The following ABRAXAS1 variants were observed in gnomAD, a reference collection of about 807,000 sequenced individuals.
The protein encoded by ABRAXAS1 is BRCA1-A complex subunit Abraxas 1.
A neutral mutation model predicts 38.4 loss-of-function variants in ABRAXAS1; 26 were observed. The ratio of observed to expected loss-of-function variants is 0.68; its 90% CI spans 0.50 to 0.94. ABRAXAS1 has a LOEUF of 0.94. Among genes scored for constraint, ABRAXAS1 ranks in the 40% least tolerant of loss-of-function variants. The pLI is 0.00. For synonymous variants in ABRAXAS1, 144 were observed against 165.5 expected (o/e 0.87, Z 1.00); for missense variants, 438 against 481.9 (o/e 0.91, Z 0.85).
At chr4:83,474,962 G>C (rs1722714022) in intron 3 of ABRAXAS1, among the ~76,000 whole-genome samples, 1 of 152,100 alleles carries the variant, frequency 6.6e-6, no homozygotes, top group African/African-American at 2.4e-5. Flanking sequence ...GAAGTATGTA[G>C]TTACCCTCTG....
At chr4:83,484,432 A>G (rs999779873) in intron 1 of ABRAXAS1, among the ~76,000 whole-genome samples, 2 of 152,260 alleles carry the variant, frequency 1.3e-5, no homozygotes, top group African/African-American at 2.4e-5. Context: ...TGTTTTAACA[A>G]ATTTAATAAC....
In ABRAXAS1 at chr4:83,462,502, A is replaced by G; in HGVS notation, c.1197T>C (p.Gly399=). The G allele has an allele frequency of 6.2e-7, 1 of 1,613,490 alleles. No homozygotes were observed. Among genetic ancestry groups the G allele is most frequent in the Non-Finnish European group, 8.5e-7 (1 of 1,179,832 alleles). The part of the protein sequence containing the change: ...ETDEEIEKMK[G]FGEYSRSPTF ...TAGGAGACCGTGAATATTCACCAAAACCCTTCATCTTTTCAATTTCTTCAT... is the reference window on the plus strand; with the variant it reads ...TAGGAGACCGTGAATATTCACCAAAGCCCTTCATCTTTTCAATTTCTTCAT... The change falls in exon 9 of 9, where the codon GGT becomes GGC. Residue 399 remains glycine (G), a synonymous_variant. Coordinates refer to ENST00000321945, the MANE Select transcript of ABRAXAS1 (RefSeq NM_139076.3).
Position 83,462,265 on chromosome 4 carries a change from G to C in ABRAXAS1, c.*204C>G, listed in dbSNP as rs1578121816. 23 of 535,468 alleles carry C rather than the reference G, an allele frequency of 4.3e-5. No homozygotes were observed. The East Asian group carries it at 7.3e-4, about 17-fold the overall frequency. 33.2% of individuals were successfully genotyped at this position (535,468 alleles called of 1,614,324 possible). ...ACAACTTAGTGAAAGGTGAAAAAAA[G>C]GTTTGGAAATAAAAGCATCTGATGT... On this transcript the variant is annotated 3_prime_UTR_variant, in exon 9 of 9. Coordinates refer to ENST00000321945, the MANE Select transcript of ABRAXAS1 (RefSeq NM_139076.3).
intron 1 of ABRAXAS1, among the ~76,000 whole-genome samples, chr4:83,484,568 C>G (rs1169901556): frequency 2.0e-5 from 3 of 152,254 alleles, no homozygotes; most frequent in African/African-American, 7.2e-5. Context: ...ACAGACGCTG[C>G]TCTGCATGAA....
At chr4:83,477,931 C>T (rs1016254126) in intron 2 of ABRAXAS1, 3 of 815,760 alleles carry the variant, frequency 3.7e-6, no homozygotes, top group Non-Finnish European at 6.4e-6. Flanking sequence ...TAGCCAATCC[C>T]ACCGATGTTC....
chr4:83,463,423 A>C, intron 8 of ABRAXAS1, 71 bp downstream of exon 8: 2 of 1,133,880 alleles, frequency 1.8e-6, no homozygotes, highest in Non-Finnish European at 2.5e-6. Context: ...ACAGAGCGAG[A>C]CTCCGTCTCA....
At chr4:83,477,553 G>C in intron 2 of ABRAXAS1, 1 of 472,692 alleles carries the variant, frequency 2.1e-6, no homozygotes, top group African/African-American at 2.0e-5. Context: ...GCCATGAGAT[G>C]TCTCGTCTGA....
At chr4:83,471,378 T>C (rs72932912) in intron 4 of ABRAXAS1, among the ~76,000 whole-genome samples, 14,519 of 151,398 alleles carry the variant, frequency 0.096, 2,274 homozygotes, top group African/African-American at 0.33. Flanking sequence ...TTTTTTTTTT[T>C]CTTCTGTTTT....
At chr4:83,463,436 A>G in intron 8 of ABRAXAS1, 58 bp downstream of exon 8, 1 of 1,229,470 alleles carries the variant, frequency 8.1e-7, no homozygotes, top group South Asian at 1.4e-5. Context: ...CCGTCTCAAA[A>G]ATAAATAAAT....
intron 8 of ABRAXAS1, among the ~76,000 whole-genome samples, chr4:83,463,152 G>A (rs1348577957): frequency 5.3e-5 from 8 of 152,164 alleles, no homozygotes; most frequent in Admixed American, 3.9e-4. Flanking sequence ...AGAAAGGGCC[G>A]AGCGCAGTGG....
chr4:83,483,639 T>G (rs1723071399), intron 1 of ABRAXAS1, among the ~76,000 whole-genome samples: 1 of 152,186 alleles, frequency 6.6e-6, no homozygotes, highest in Non-Finnish European at 1.5e-5. Context: ...AATGTGAGTC[T>G]TTACTGGAAT....
Position 83,470,407 on chromosome 4 carries a change from G to A in ABRAXAS1, c.283-11C>T. 1.3e-6 allele frequency: 2 copies of A among 1,590,064 alleles called. No homozygotes were observed. Among genetic ancestry groups the A allele is most frequent in the Non-Finnish European group, 1.7e-6 (2 of 1,161,714 alleles). ...CCAACCTACCACATTCTGAAATACA[G>A]AATAAAAAGGATATACATCTTAATA... On this transcript the variant is annotated splice_polypyrimidine_tract_variant and intron_variant, in intron 4 of 8. Coordinates refer to ENST00000321945, the MANE Select transcript of ABRAXAS1 (RefSeq NM_139076.3).
Position 83,469,140 on chromosome 4 carries a change from C to G in ABRAXAS1, c.488G>C (p.Arg163Thr), listed in dbSNP as rs1394165754. 6.2e-7 allele frequency: 1 copy of G among 1,613,450 alleles called. No individual in the cohort carries two copies. Among genetic ancestry groups the G allele is most frequent in the Non-Finnish European group, 8.5e-7 (1 of 1,179,666 alleles). The change falls in exon 6 of 9, where the codon AGG becomes ACG. Residue 163 changes from arginine (R) to threonine (T), a missense_variant. Physicochemically the swap from Arg to Thr is moderately conservative, Grantham distance 71 (BLOSUM62 -1). Transcript: ENST00000321945. ...CAGATTGGCAACCACTAAAGGTACC[C>G]TGTGAAAAAGTCTGACAAAATAAAA... is the stretch of plus-strand genomic sequence containing the variant. ...LYKPQKGLFH[R>T]VPLVVANLGM...
intron 1 of ABRAXAS1, 117 bp downstream of exon 1, chr4:83,484,869 G>C: frequency 1.2e-6 from 1 of 809,478 alleles, no homozygotes; most frequent in Non-Finnish European, 1.8e-6. Flanking sequence ...GCGACCGCAG[G>C]GAGGAGGCGC....
At chr4:83,463,436 A>C in intron 8 of ABRAXAS1, 58 bp downstream of exon 8, 1 of 1,229,470 alleles carries the variant, frequency 8.1e-7, no homozygotes, top group Non-Finnish European at 1.1e-6. Context: ...CCGTCTCAAA[A>C]ATAAATAAAT....
Position 83,460,039 on chromosome 4 carries a change from T to C in ABRAXAS1, c.*2430A>G. 1 of 361,856 alleles carries C rather than the reference T, an allele frequency of 2.8e-6. No homozygotes were observed. Among genetic ancestry groups the C allele is most frequent in the Non-Finnish European group, 4.9e-6 (1 of 202,622 alleles). 22.4% of individuals were successfully genotyped at this position (361,856 alleles called of 1,614,324 possible). ...GCTTTAAAAAACTGTTGTTGATGTT[T>C]TGGAATATACTATAATCATTCCTAG... On this transcript the variant is annotated 3_prime_UTR_variant, in exon 9 of 9. Coordinates refer to ENST00000321945, the MANE Select transcript of ABRAXAS1 (RefSeq NM_139076.3).
intron 2 of ABRAXAS1, among the ~76,000 whole-genome samples, chr4:83,478,635 A>T (rs1722871756): frequency 6.6e-6 from 1 of 152,224 alleles, no homozygotes; most frequent in Admixed American, 6.5e-5. Flanking sequence ...AAGTGTTAAC[A>T]TTGAGACTCT....
chr4:83,467,455 T>C lies in ABRAXAS1; in HGVS notation c.680A>G (p.Lys227Arg). The C allele has an allele frequency of 6.7e-7, 1 of 1,489,028 alleles. No individual in the cohort carries two copies. Among genetic ancestry groups the C allele is most frequent in the South Asian group, 1.1e-5 (1 of 87,344 alleles). 92.2% of individuals were successfully genotyped at this position (1,489,028 alleles called of 1,614,324 possible). Residue 227 changes from lysine to arginine, a missense_variant and splice_region_variant, in exon 7 of 9, where the codon AAG (lysine) becomes AGG (arginine). Lys to Arg is a conservative substitution (Grantham distance 26). Coordinates refer to ENST00000321945, the MANE Select transcript of ABRAXAS1 (RefSeq NM_139076.3). ...GACGTGTTTGATATGTTAACTTACC[T>C]TTAATTCCTCTTGTAATGAAGCATA... The part of the protein sequence containing the change: ...EMYASLQEEL[K>R]SICKKVEDSE...
chr4:83,460,003 A>G lies in ABRAXAS1; in HGVS notation c.*2466T>C. ...CTGTCTTATGCAGAGTTAACTATAT[A>G]GAAAAACTGGGCTTTAAAAAACTGT... On this transcript the variant is annotated 3_prime_UTR_variant, in exon 9 of 9. Transcript: ENST00000321945. 1 of 414,546 alleles carries G rather than the reference A, an allele frequency of 2.4e-6. No individual in the cohort carries two copies. The highest frequency in any genetic ancestry group is 4.3e-6 in the Non-Finnish European group (1 of 234,720). The allele number at this position is 414,546 out of a possible 1,614,324, so 25.7% of individuals were successfully genotyped here. A position where few individuals can be genotyped will look rare whatever the true frequency, so the allele number is the denominator to read the frequency against.
Sources: allele counts gnomAD v4.1 joint callset (sites outside exome capture counted in the v4.1 genomes callset), GRCh38; gene constraint gnomAD v4.1.1; transcripts MANE v1.5; gene names NCBI Gene and HGNC (gene_info 2026-07-23, HGNC 2026-07-21).